Variants in SUSD1 observed in about 807,000 individuals in gnomAD.
SUSD1 encodes sushi domain containing 1, also known as sushi domain-containing protein 1.
Under a neutral mutation model 86.9 loss-of-function variants are expected in SUSD1, and 65 were observed. The observed-to-expected ratio is 0.75, with a 90% CI of 0.61 to 0.92. The LOEUF (loss-of-function observed/expected upper bound fraction) is 0.92, where lower values mean the gene tolerates loss of function less well. SUSD1 is among the 40% of genes least tolerant of loss of function. The pLI is 0.00. For synonymous variants in SUSD1, 346 were observed against 350.0 expected (o/e 0.99, Z 0.13); for missense variants, 850 against 929.7 (o/e 0.91, Z 1.11).
chr9:112,163,998 C>A (rs371784136), intron 1 of SUSD1, among the ~76,000 whole-genome samples: 1 of 149,552 alleles, frequency 6.7e-6, no homozygotes, highest in Non-Finnish European at 1.5e-5. Flanking sequence ...AAGACTCTGT[C>A]TCAAAAAAAA....
At position 112,041,324 on chromosome 9, in the gene SUSD1, G is replaced by A; in HGVS notation, c.*168C>T. On this transcript the variant is annotated 3_prime_UTR_variant, in exon 17 of 17. Transcript: ENST00000374270. The stretch of plus-strand genomic sequence containing the variant: ...TCCTTATGGTGACTCCTCAGGGATA[G>A]CCACCATCTTAAATCCAGGAATGGG... 1 of 677,990 alleles carries A rather than the reference G, an allele frequency of 1.5e-6. No individual in the cohort carries two copies. The highest frequency in any genetic ancestry group is 2.7e-6 in the Non-Finnish European group (1 of 371,960). The allele number at this position is 677,990 out of a possible 1,614,324, so 42.0% of individuals were successfully genotyped here.
intron 2 of SUSD1, among the ~76,000 whole-genome samples, chr9:112,150,699 G>A (rs1833008518): frequency 6.6e-6 from 1 of 152,176 alleles, no homozygotes; most frequent in Non-Finnish European, 1.5e-5. Context: ...AACCTGTATA[G>A]CATGTTACTG....
intron 6 of SUSD1, among the ~76,000 whole-genome samples, chr9:112,123,152 T>C (rs1831620884): frequency 6.6e-6 from 1 of 152,156 alleles, no homozygotes; most frequent in Non-Finnish European, 1.5e-5. Flanking sequence ...AGGTAATTTA[T>C]AAAGAAAAGA....
intron 1 of SUSD1, among the ~76,000 whole-genome samples, chr9:112,167,743 A>G (rs573532852): frequency 3.9e-5 from 6 of 152,342 alleles, no homozygotes; most frequent in South Asian, 2.1e-4. Context: ...TGAGGATTCA[A>G]AAGTAAATGA....
intron 14 of SUSD1, among the ~76,000 whole-genome samples, chr9:112,054,115 T>C (rs568473233): frequency 3.9e-5 from 6 of 152,286 alleles, no homozygotes; most frequent in African/African-American, 1.4e-4. Flanking sequence ...ATTGGAAGAC[T>C]CACACTCCCT....
At chr9:112,124,193 A>G in intron 6 of SUSD1, 64 bp downstream of exon 6, 1 of 1,506,644 alleles carries the variant, frequency 6.6e-7, no homozygotes, top group Non-Finnish European at 9.0e-7. Context: ...AGATAGTTTT[A>G]GGCCCTCGGC....
At chr9:112,084,847 A>T (rs1197752442) in intron 10 of SUSD1, among the ~76,000 whole-genome samples, 1 of 152,092 alleles carries the variant, frequency 6.6e-6, no homozygotes, top group African/African-American at 2.4e-5. Flanking sequence ...GAAGTTGAAA[A>T]ACCAGAACTG....
intron 9 of SUSD1, among the ~76,000 whole-genome samples, chr9:112,099,318 A>G (rs951437657): frequency 1.3e-5 from 2 of 152,158 alleles, no homozygotes; most frequent in Non-Finnish European, 1.5e-5. Context: ...TGGGATTACA[A>G]GTGTGAGCCA....
intron 8 of SUSD1, chr9:112,103,187 AT>A: frequency 2.2e-6 from 1 of 457,762 alleles, no homozygotes; most frequent in Non-Finnish European, 4.5e-6. Flanking sequence ...AGAACAATAA[AT>A]TATTTTAGTC....
chr9:112,165,576 A>C (rs1833749370), intron 1 of SUSD1, among the ~76,000 whole-genome samples: 1 of 151,626 alleles, frequency 6.6e-6, no homozygotes, highest in Non-Finnish European at 1.5e-5. Flanking sequence ...CACTCGGCTA[A>C]TTTTTTTATT....
chr9:112,093,203 T>C (rs919103422), intron 10 of SUSD1, among the ~76,000 whole-genome samples: 1 of 152,222 alleles, frequency 6.6e-6, no homozygotes, highest in Non-Finnish European at 1.5e-5. Context: ...ATTCCCTATA[T>C]GTTAATCCTC....
chr9:112,061,283 C>A (rs1828713265), intron 13 of SUSD1, among the ~76,000 whole-genome samples: 1 of 152,212 alleles, frequency 6.6e-6, no homozygotes, highest in African/African-American at 2.4e-5. Flanking sequence ...CACACACTGG[C>A]AAAGCTGCTG....
intron 14 of SUSD1, among the ~76,000 whole-genome samples, chr9:112,057,646 A>C (rs1828510287): frequency 6.6e-6 from 1 of 152,256 alleles, no homozygotes; most frequent in South Asian, 2.1e-4. Flanking sequence ...ATGACACATT[A>C]CATTTGCATC....
intron 14 of SUSD1, among the ~76,000 whole-genome samples, chr9:112,056,386 G>A (rs1169309904): frequency 1.3e-5 from 2 of 152,178 alleles, no homozygotes; most frequent in Non-Finnish European, 2.9e-5. Context: ...TTGGACGCTG[G>A]TTGCACAACA....
intron 10 of SUSD1, among the ~76,000 whole-genome samples, chr9:112,086,533 AG>A (rs1829985522): frequency 6.4e-5 from 9 of 141,246 alleles, no homozygotes; most frequent in Admixed American, 2.8e-4. Context: ...AGAGAGAGAG[AG>A]AAAAAAAGAA....
intron 13 of SUSD1, among the ~76,000 whole-genome samples, chr9:112,062,001 C>A (rs879419546): frequency 1.3e-5 from 2 of 152,096 alleles, no homozygotes; most frequent in African/African-American, 2.4e-5. Context: ...ATGACCTTTG[C>A]AAATAAAACA....
chr9:112,141,771 T>G (rs1159852024), intron 5 of SUSD1, among the ~76,000 whole-genome samples: 9 of 146,306 alleles, frequency 6.2e-5, no homozygotes, highest in Middle Eastern at 7.2e-3. Context: ...ATATAATACA[T>G]TACATGTAAT....
intron 1 of SUSD1, among the ~76,000 whole-genome samples, chr9:112,159,008 T>TA (rs1833455904): frequency 6.6e-6 from 1 of 151,606 alleles, no homozygotes; most frequent in Admixed American, 6.6e-5. Context: ...ATTTTTTTTT[T>TA]TCCAAAGAAA....
chr9:112,116,037 T>C (rs2131662785), intron 6 of SUSD1, among the ~76,000 whole-genome samples: 1 of 152,138 alleles, frequency 6.6e-6, no homozygotes, highest in Admixed American at 6.6e-5. Context: ...ACACATCCCT[T>C]TGATGCTAAC....
Sources: allele counts gnomAD v4.1 joint callset (sites outside exome capture counted in the v4.1 genomes callset), GRCh38; gene constraint gnomAD v4.1.1; transcripts MANE v1.5; gene names NCBI Gene and HGNC (gene_info 2026-07-23, HGNC 2026-07-21).